Variants in C2orf76 observed in about 807,000 individuals in gnomAD.
C2orf76 encodes the protein UPF0538 protein C2orf76.
C2orf76 carries 23 observed loss-of-function variants against 16.9 expected under a neutral mutation model. That is an observed-to-expected ratio of 1.36 (90% CI 0.98 to 1.93). The LOEUF (loss-of-function observed/expected upper bound fraction) is 1.93, where lower values mean the gene tolerates loss of function less well. C2orf76 is among the 30% of genes most tolerant of loss of function. The pLI is 0.00. For missense variants in C2orf76, 152 were observed against 152.6 expected (o/e 1.00, Z 0.02); for synonymous variants, 48 against 52.3 (o/e 0.92, Z 0.35).
chr2:119,311,248 C>A, intron 5 of C2orf76: 1 of 985,394 alleles, frequency 1.0e-6, no homozygotes, highest in Non-Finnish European at 1.2e-6. Flanking sequence ...ACCAACAATG[C>A]GTTTCATTAT....
chr2:119,308,430 A>C (rs1169974573), intron 5 of C2orf76, among the ~76,000 whole-genome samples: 1 of 152,216 alleles, frequency 6.6e-6, no homozygotes, highest in African/African-American at 2.4e-5. Context: ...AACCGAGGTC[A>C]GGAGTTCGAG....
chr2:119,360,184 G>C (rs1046233835), intron 1 of C2orf76, among the ~76,000 whole-genome samples: 1 of 152,118 alleles, frequency 6.6e-6, no homozygotes, highest in Non-Finnish European at 1.5e-5. Context: ...CTTTAATTCA[G>C]ATATGTACAT....
At chr2:119,288,749 C>G in the C2orf76 span, among the ~76,000 whole-genome samples, 1 of 151,976 alleles carries the variant, frequency 6.6e-6, no homozygotes, top group African/African-American at 2.4e-5. Context: ...AGCCGCAGGC[C>G]TTGCTCAGGC....
chr2:119,299,733 C>T (rs1343132360), downstream of C2orf76, among the ~76,000 whole-genome samples: 1 of 152,092 alleles, frequency 6.6e-6, no homozygotes, highest in African/African-American at 2.4e-5. Flanking sequence ...AAAAAAGGTA[C>T]TATACATACA....
chr2:119,314,601 T>A (rs994328531), intron 4 of C2orf76, among the ~76,000 whole-genome samples: 2 of 152,216 alleles, frequency 1.3e-5, no homozygotes, highest in East Asian at 3.8e-4. Context: ...GCCATACTGT[T>A]CTAATTACTA....
chr2:119,365,885 A>G (rs1680954549), intron 1 of C2orf76, among the ~76,000 whole-genome samples: 1 of 152,022 alleles, frequency 6.6e-6, no homozygotes, highest in South Asian at 2.1e-4. Flanking sequence ...CTCACTCAGC[A>G]TGACAGTCAA....
chr2:119,340,755 TACACACACACACACACACACACAC>T (rs60777590), intron 1 of C2orf76, among the ~76,000 whole-genome samples: 7 of 140,284 alleles, frequency 5.0e-5, no homozygotes, highest in Non-Finnish European at 7.7e-5. Flanking sequence ...TGCTTTCTAA[TACACACACACACACACACACACAC>T]ACACACACAC....
At chr2:119,315,114 G>C (rs1398218079) in intron 4 of C2orf76, among the ~76,000 whole-genome samples, 4 of 152,058 alleles carry the variant, frequency 2.6e-5, no homozygotes, top group African/African-American at 9.7e-5. Flanking sequence ...GGAAATTAAA[G>C]TTTTTATTTC....
chr2:119,325,457 C>CAAAAA lies in C2orf76; in HGVS notation c.134-4258_134-4254dup, dbSNP rs59581840. On this transcript the variant is annotated intron_variant, in intron 2 of 5. Coordinates refer to ENST00000334816, the MANE Select transcript of C2orf76 (RefSeq NM_001322331.2). ...CCTGGGCGACAGAGCAAGACTGTCT[C>CAAAAA]AAAAAAAAAAAAAAAAAAAAAAAGA... Among the ~76,000 whole-genome samples, 44 of 59,712 alleles carry CAAAAA rather than the reference C, an allele frequency of 7.4e-4. 1 individual carries two copies. The highest frequency in any genetic ancestry group is 1.2e-3 in the East Asian group (2 of 1,690). 39.2% of individuals were successfully genotyped at this position (59,712 alleles called of 152,430 possible). A position where few individuals can be genotyped will look rare whatever the true frequency, so the allele number is the denominator to read the frequency against.
chr2:119,329,829 T>C (rs981144333), intron 2 of C2orf76, among the ~76,000 whole-genome samples: 3 of 152,106 alleles, frequency 2.0e-5, no homozygotes, highest in Admixed American at 2.0e-4. Context: ...TTGTGTTTCT[T>C]TAAATGGTCA....
intron 3 of C2orf76, 30 bp from the exon 4 acceptor site, chr2:119,317,533 C>A: frequency 3.8e-6 from 6 of 1,570,300 alleles, no homozygotes; most frequent in Non-Finnish European, 5.2e-6. Context: ...TATCTTTTTA[C>A]ACAGTTTATT....
At chr2:119,321,967 A>G (rs1041238722) in intron 2 of C2orf76, among the ~76,000 whole-genome samples, 5 of 152,072 alleles carry the variant, frequency 3.3e-5, no homozygotes, top group African/African-American at 1.2e-4. Flanking sequence ...TACTCCACCA[A>G]AATTCATATA....
chr2:119,288,192 T>C, the C2orf76 span, among the ~76,000 whole-genome samples: 1 of 148,834 alleles, frequency 6.7e-6, no homozygotes, highest in East Asian at 2.0e-4. Context: ...AGTCTCACTC[T>C]GTCGCCCAGG....
In C2orf76 at chr2:119,354,800, G is replaced by A. The variant is rs550400829; in HGVS notation, c.-13+11990C>T. Among the ~76,000 whole-genome samples the A allele has an allele frequency of 1.4e-4, 22 of 152,278 alleles. No homozygotes were observed. The South Asian group carries it at 3.9e-3, about 27-fold the overall frequency. The stretch of plus-strand genomic sequence containing the variant: ...AAAAAAATAAAATCTTCCACCTCTA[G>A]GGGTTTAGGTAACACAATAGGTACA... On this transcript the variant is annotated intron_variant, in intron 1 of 5. Transcript: ENST00000334816.
At chr2:119,292,305 A>G in the C2orf76 span, among the ~76,000 whole-genome samples, 1 of 152,130 alleles carries the variant, frequency 6.6e-6, no homozygotes, top group Non-Finnish European at 1.5e-5. Flanking sequence ...ACAAATGACA[A>G]TCTAGGACAC....
chr2:119,364,836 T>C (rs1484410601), intron 1 of C2orf76, among the ~76,000 whole-genome samples: 1 of 152,030 alleles, frequency 6.6e-6, no homozygotes, highest in Non-Finnish European at 1.5e-5. Context: ...CCCACCACGT[T>C]AGGAGGCCAA....
chr2:119,358,995 C>T (rs1231025496), intron 1 of C2orf76, among the ~76,000 whole-genome samples: 3 of 152,114 alleles, frequency 2.0e-5, no homozygotes, highest in East Asian at 1.9e-4. Flanking sequence ...GAGAAGTCAA[C>T]GCCTGGTTTT....
chr2:119,323,423 A>G (rs1679410321), intron 2 of C2orf76, among the ~76,000 whole-genome samples: 1 of 152,176 alleles, frequency 6.6e-6, no homozygotes, highest in South Asian at 2.1e-4. Context: ...ACCTACTACC[A>G]GGTATTCCAG....
chr2:119,300,903 A>G (rs1678609942), downstream of C2orf76, among the ~76,000 whole-genome samples: 1 of 152,220 alleles, frequency 6.6e-6, no homozygotes, highest in Admixed American at 6.5e-5. Context: ...TGCACCATCT[A>G]TAAAAGTCAG....
Sources: gnomAD v4.1 joint callset for allele counts (sites outside exome capture counted in the v4.1 genomes callset) on GRCh38, gnomAD v4.1.1 for gene constraint, MANE v1.5 for transcripts, NCBI Gene and HGNC (gene_info 2026-07-23, HGNC 2026-07-21) for gene names.